SORBS2: variants seen among roughly 807,000 people sequenced by gnomAD.
SORBS2 encodes sorbin and SH3 domain containing 2.
SORBS2 carries 46 observed loss-of-function variants against 97.7 expected under a neutral mutation model. The ratio of observed to expected loss-of-function variants is 0.47; its 90% CI spans 0.37 to 0.60. The LOEUF (loss-of-function observed/expected upper bound fraction) is 0.60. Among genes scored for constraint, SORBS2 ranks in the 20% least tolerant of loss-of-function variants. The probability of loss-of-function intolerance (pLI) is 0.00; values close to 1 mark genes in which losing one functional copy is unlikely to be tolerated. For missense variants in SORBS2, 1,316 were observed against 1,282.3 expected, an observed-to-expected ratio of 1.03 and a Z score of -0.40; for synonymous variants, 476 against 473.4, an observed-to-expected ratio of 1.01 and a Z score of -0.07.
chr4:185,648,396 G>A (rs1414679771), intron 3 of SORBS2, among the ~76,000 whole-genome samples: 5 of 151,796 alleles, frequency 3.3e-5, no homozygotes, highest in Non-Finnish European at 4.4e-5. Flanking sequence ...CAGCTACTTG[G>A]TAATTGCTTG....
At chr4:185,810,646 T>C (rs1393511419) in intron 1 of SORBS2, 1 of 152,236 alleles carries the variant, frequency 6.6e-6, no homozygotes, top group Non-Finnish European at 1.5e-5. Flanking sequence ...ATCTAATCCT[T>C]ACTCCGTCAT....
At chr4:185,748,917 A>G (rs968915221) in intron 2 of SORBS2, among the ~76,000 whole-genome samples, 1 of 152,164 alleles carries the variant, frequency 6.6e-6, no homozygotes, top group Admixed American at 6.5e-5. Flanking sequence ...GAGGGGCCCC[A>G]TTTACAATAT....
upstream of SORBS2, among the ~76,000 whole-genome samples, chr4:185,659,505 C>T (rs1242330456): frequency 6.6e-6 from 1 of 151,998 alleles, no homozygotes; most frequent in African/African-American, 2.4e-5. Flanking sequence ...CAAGCTCCAC[C>T]TCCTGGGTTC....
chr4:185,710,069 C>T (rs1328107919), intron 2 of SORBS2: 9 of 152,066 alleles, frequency 5.9e-5, no homozygotes, highest in African/African-American at 2.2e-4. Flanking sequence ...TGAAGGGAAC[C>T]AGGCCTCCGA....
chr4:185,614,028 C>T (rs2096587774), intron 11 of SORBS2, among the ~76,000 whole-genome samples: 1 of 152,082 alleles, frequency 6.6e-6, no homozygotes, highest in Admixed American at 6.5e-5. Context: ...ACTACCTCGC[C>T]TGTGTTGTGT....
At chr4:185,616,227 G>A (rs2096624591) in intron 9 of SORBS2, among the ~76,000 whole-genome samples, 1 of 152,100 alleles carries the variant, frequency 6.6e-6, no homozygotes, top group East Asian at 1.9e-4. Context: ...GCCGTTTGAT[G>A]GAGAGAGATT....
chr4:185,665,929 G>A (rs2097589066), intron 4 of SORBS2: 2 of 1,221,738 alleles, frequency 1.6e-6, no homozygotes, highest in African/African-American at 3.1e-5. Context: ...CAGAGAGCCT[G>A]TGTCGTGGCT....
At chr4:185,657,166 C>T (rs1581981211), upstream of SORBS2, 1 of 354,894 alleles carries the variant, frequency 2.8e-6, no homozygotes, top group East Asian at 5.5e-5. Flanking sequence ...AACTAAACCA[C>T]ACAACACAGT....
At chr4:185,905,998 G>T (rs1235310082) in intron 1 of SORBS2, among the ~76,000 whole-genome samples, 1 of 152,100 alleles carries the variant, frequency 6.6e-6, no homozygotes, top group African/African-American at 2.4e-5. Flanking sequence ...CTATTTTAGG[G>T]CAGTGCTCAA....
intron 1 of SORBS2, among the ~76,000 whole-genome samples, chr4:185,881,842 A>C (rs1487238649): frequency 6.6e-6 from 1 of 152,206 alleles, no homozygotes; most frequent in African/African-American, 2.4e-5. Context: ...AAAAAAGAAG[A>C]AGTATAAAAT....
At chr4:185,668,321 A>G (rs561802739) in intron 4 of SORBS2, among the ~76,000 whole-genome samples, 1 of 152,324 alleles carries the variant, frequency 6.6e-6, no homozygotes, top group South Asian at 2.1e-4. Context: ...TCCACAGAAA[A>G]CAAAATTATT....
chr4:185,822,317 G>T (rs1376628515), intron 1 of SORBS2, among the ~76,000 whole-genome samples: 1 of 152,204 alleles, frequency 6.6e-6, no homozygotes, highest in East Asian at 1.9e-4. Context: ...CGTTCCAACA[G>T]GCCTGGAGCT....
chr4:185,636,648 A>ATTTTTT (rs1228463050), intron 4 of SORBS2, among the ~76,000 whole-genome samples: 3 of 134,006 alleles, frequency 2.2e-5, no homozygotes, highest in Non-Finnish European at 3.2e-5. Flanking sequence ...CCAGTTGACT[A>ATTTTTT]TTTTTTTTTT....
intron 1 of SORBS2, among the ~76,000 whole-genome samples, chr4:185,934,086 T>G (rs994805211): frequency 6.6e-6 from 1 of 152,230 alleles, no homozygotes; most frequent in Non-Finnish European, 1.5e-5. Flanking sequence ...CCCAGTAGGT[T>G]TCATTTAAAG....
chr4:185,935,745 A>G (rs1349933721), intron 1 of SORBS2, among the ~76,000 whole-genome samples: 4 of 152,194 alleles, frequency 2.6e-5, no homozygotes, highest in African/African-American at 9.6e-5. Context: ...CTCCACAGAG[A>G]CACCAATAAT....
rs139900619 is a variant in SORBS2 at position 185,651,806 on chromosome 4, A to G, written c.91+856T>C. The stretch of plus-strand genomic sequence containing the variant: ...TACCTGCATTGTATGTATAAGGAGT[A>G]TTATACATGTCTGTGTCATCATCTA... On this transcript the variant is annotated intron_variant, in intron 2 of 14. Coordinates refer to ENST00000418609, the Ensembl canonical transcript of SORBS2. 1.8e-4 allele frequency: 272 copies of G among 1,501,206 alleles called. 2 individuals are homozygous for G. The African/African-American group carries it at 3.4e-3, about 19-fold the overall frequency. 93.0% of individuals were successfully genotyped at this position (1,501,206 alleles called of 1,614,324 possible). A position where few individuals can be genotyped will look rare whatever the true frequency, so the allele number is the denominator to read the frequency against.
At chr4:185,652,625 A>G (rs1203303932) in intron 2 of SORBS2, 37 bp downstream of exon 10, 2 of 1,559,274 alleles carry the variant, frequency 1.3e-6, no homozygotes, top group African/African-American at 2.7e-5. Context: ...CCTTCAACCC[A>G]CAAGGACCTC....
At chr4:185,706,960 T>A (rs34088679) in intron 2 of SORBS2, among the ~76,000 whole-genome samples, 19,197 of 152,190 alleles carry the variant, frequency 0.13, 1,419 homozygotes, top group African/African-American at 0.2. Context: ...TGGAGAGTTC[T>A]GTCATAAACA....
intron 1 of SORBS2, among the ~76,000 whole-genome samples, chr4:185,836,414 A>G (rs936826204): frequency 1.3e-5 from 2 of 152,244 alleles, no homozygotes; most frequent in Non-Finnish European, 2.9e-5. Flanking sequence ...GACACAGACA[A>G]AGACAATAGT....
Sources: allele counts gnomAD v4.1 joint callset (sites outside exome capture counted in the v4.1 genomes callset), GRCh38; gene constraint gnomAD v4.1.1; transcripts MANE v1.5; gene names NCBI Gene and HGNC (gene_info 2026-07-23, HGNC 2026-07-21).